Variants in TTC29 observed in about 807,000 individuals in gnomAD.
TTC29 encodes tetratricopeptide repeat domain 29.
In TTC29, 49 loss-of-function variants were observed where a neutral mutation model predicts 58.1. The ratio of observed to expected loss-of-function variants is 0.84; its 90% CI spans 0.67 to 1.07. The LOEUF is 1.07. TTC29 is among the 50% of genes least tolerant of loss of function. The pLI is 0.00. For missense variants in TTC29, 582 were observed against 555.6 expected, an observed-to-expected ratio of 1.05 and a Z score of -0.48; for synonymous variants, 209 against 196.8, an observed-to-expected ratio of 1.06 and a Z score of -0.52.
At chr4:146,917,591 T>C (rs1260357898) in intron 4 of TTC29, among the ~76,000 whole-genome samples, 8 of 119,622 alleles carry the variant, frequency 6.7e-5, no homozygotes, top group African/African-American at 2.7e-4. Flanking sequence ...TTAGATATTA[T>C]ATACATTATA....
chr4:146,922,794 A>C (rs1734682546), intron 4 of TTC29, among the ~76,000 whole-genome samples: 1 of 151,906 alleles, frequency 6.6e-6, no homozygotes, highest in African/African-American at 2.4e-5. Context: ...GAATATTTCA[A>C]GAAATATAGA....
chr4:146,942,571 C>T, intron 2 of TTC29: 3 of 1,528,418 alleles, frequency 2.0e-6, no homozygotes, highest in Non-Finnish European at 2.6e-6. Flanking sequence ...AAACGGGCCT[C>T]CCAAGAGCTT....
chr4:146,868,982 G>A (rs771675777), intron 7 of TTC29, among the ~76,000 whole-genome samples: 1 of 150,882 alleles, frequency 6.6e-6, no homozygotes, highest in Non-Finnish European at 1.5e-5. Flanking sequence ...TCCTTCTCTC[G>A]CCATATGACA....
chr4:146,917,143 A>G (rs1392471196), intron 4 of TTC29, among the ~76,000 whole-genome samples: 1 of 151,060 alleles, frequency 6.6e-6, no homozygotes, highest in Non-Finnish European at 1.5e-5. Context: ...TAATTTAATT[A>G]TTACATGTTA....
At chr4:146,709,718 C>T (rs1742343320) in intron 11 of TTC29, among the ~76,000 whole-genome samples, 1 of 152,220 alleles carries the variant, frequency 6.6e-6, no homozygotes, top group East Asian at 1.9e-4. Context: ...CCCTAGATGA[C>T]TAAATCTTCT....
intron 4 of TTC29, among the ~76,000 whole-genome samples, chr4:146,911,803 C>T (rs748301343): frequency 5.9e-5 from 9 of 152,196 alleles, no homozygotes; most frequent in Non-Finnish European, 8.8e-5. Flanking sequence ...CAACCACTAG[C>T]GGATTTCCAC....
intron 11 of TTC29, among the ~76,000 whole-genome samples, chr4:146,740,358 G>A (rs372037648): frequency 9.2e-5 from 14 of 152,130 alleles, no homozygotes; most frequent in African/African-American, 3.1e-4. Context: ...GATGTTGAAG[G>A]AACCCAAGGA....
chr4:146,771,064 C>T (rs1464528288), intron 11 of TTC29, among the ~76,000 whole-genome samples: 7 of 151,962 alleles, frequency 4.6e-5, no homozygotes, highest in Non-Finnish European at 1.0e-4. Context: ...TGTTAATACT[C>T]AATAAGAACA....
In TTC29 at chr4:146,842,407, G is replaced by A. The variant is rs534214191; in HGVS notation, c.886-8510C>T. On this transcript the variant is annotated intron_variant, in intron 8 of 12. Transcript: ENST00000325106. ...GTGACAGTCCTCCCAATAGTGAAAGGTGGCTGTTTTCCCTCCCCAAACCCC... is the reference window on the plus strand; with the variant it reads ...GTGACAGTCCTCCCAATAGTGAAAGATGGCTGTTTTCCCTCCCCAAACCCC... Among the ~76,000 whole-genome samples, 5 of 152,132 alleles carry A rather than the reference G, an allele frequency of 3.3e-5. No homozygotes were observed. In the South Asian group the frequency reaches 1.0e-3, roughly 32 times the overall value.
chr4:146,845,938 G>T (rs1428268114), intron 8 of TTC29, among the ~76,000 whole-genome samples: 1 of 152,056 alleles, frequency 6.6e-6, no homozygotes, highest in Admixed American at 6.6e-5. Flanking sequence ...CTGGGGACAG[G>T]ATCCATACCT....
At chr4:146,734,659 G>T (rs1744591822) in intron 11 of TTC29, among the ~76,000 whole-genome samples, 1 of 152,016 alleles carries the variant, frequency 6.6e-6, no homozygotes, top group Non-Finnish European at 1.5e-5. Context: ...TCCAGCTGGT[G>T]TCTGCTGCTT....
chr4:146,753,390 C>G (rs1399225708), intron 11 of TTC29, among the ~76,000 whole-genome samples: 2 of 152,040 alleles, frequency 1.3e-5, no homozygotes, highest in Non-Finnish European at 2.9e-5. Context: ...ATCATTAAAA[C>G]GTCAGGAAAC....
intron 8 of TTC29, among the ~76,000 whole-genome samples, chr4:146,845,025 G>A (rs926175101): frequency 5.3e-5 from 8 of 150,786 alleles, no homozygotes; most frequent in African/African-American, 1.9e-4. Context: ...CGTCTTCCAG[G>A]GGTCTTCCAG....
At chr4:146,940,301 T>C (rs1359063236) in intron 2 of TTC29, among the ~76,000 whole-genome samples, 3 of 152,218 alleles carry the variant, frequency 2.0e-5, no homozygotes, top group Non-Finnish European at 4.4e-5. Flanking sequence ...AATCAATAAT[T>C]GAAAATTGCT....
intron 11 of TTC29, among the ~76,000 whole-genome samples, chr4:146,709,127 C>T (rs1323724918): frequency 1.3e-5 from 2 of 152,132 alleles, no homozygotes; most frequent in Non-Finnish European, 2.9e-5. Context: ...TTAGTAATTT[C>T]AATGTAAAGG....
At chr4:146,935,532 G>A (rs888426523) in intron 4 of TTC29, among the ~76,000 whole-genome samples, 1 of 152,086 alleles carries the variant, frequency 6.6e-6, no homozygotes, top group Non-Finnish European at 1.5e-5. Context: ...ACCAGACAGG[G>A]AGCCAAACTC....
chr4:146,940,006 G>A, intron 2 of TTC29, 105 bp from the exon 3 acceptor site: 1 of 1,115,512 alleles, frequency 9.0e-7, no homozygotes, highest in South Asian at 1.7e-5. Flanking sequence ...AGTTGAGAAT[G>A]CCTATGTGTA....
chr4:146,732,157 T>C (rs1301860785), intron 11 of TTC29, among the ~76,000 whole-genome samples: 3 of 152,166 alleles, frequency 2.0e-5, no homozygotes, highest in African/African-American at 7.2e-5. Flanking sequence ...TCCAATAATA[T>C]TTGCTGGCAT....
intron 6 of TTC29, among the ~76,000 whole-genome samples, chr4:146,891,856 T>C (rs546974812): frequency 3.3e-5 from 5 of 152,140 alleles, no homozygotes; most frequent in Non-Finnish European, 7.4e-5. Flanking sequence ...TCTAGTTGTA[T>C]GGAATTATTG....
Sources: gnomAD v4.1 joint callset for allele counts (sites outside exome capture counted in the v4.1 genomes callset) on GRCh38, gnomAD v4.1.1 for gene constraint, MANE v1.5 for transcripts, NCBI Gene and HGNC (gene_info 2026-07-23, HGNC 2026-07-21) for gene names.